Variants in TRAPPC9 observed in about 807,000 individuals in gnomAD.
The protein encoded by TRAPPC9 is IKK2 binding protein.
A neutral mutation model predicts 124.0 loss-of-function variants in TRAPPC9; 83 were observed. The ratio of observed to expected loss-of-function variants is 0.67; its 90% CI spans 0.56 to 0.80. The LOEUF is 0.80. TRAPPC9 is among the 30% of genes least tolerant of loss of function. The pLI is 0.00. For missense variants in TRAPPC9, 1,302 were observed against 1,508.3 expected (o/e 0.86, Z 2.27); for synonymous variants, 638 against 617.5 (o/e 1.03, Z -0.49).
chr8:140,151,984 G>T (rs1277228111), intron 17 of TRAPPC9, among the ~76,000 whole-genome samples: 1 of 152,176 alleles, frequency 6.6e-6, no homozygotes, highest in African/African-American at 2.4e-5. Flanking sequence ...ATTCCATGGA[G>T]GCTAAGACCA....
At chr8:140,248,842 T>C (rs571612629) in intron 16 of TRAPPC9, among the ~76,000 whole-genome samples, 1 of 152,230 alleles carries the variant, frequency 6.6e-6, no homozygotes, top group Non-Finnish European at 1.5e-5. Context: ...ATAAGGTAAA[T>C]AATTTGCTTT....
chr8:140,354,989 T>G (rs1253984886), intron 9 of TRAPPC9, among the ~76,000 whole-genome samples: 1 of 152,260 alleles, frequency 6.6e-6, no homozygotes, highest in East Asian at 1.9e-4. Flanking sequence ...TTCAAGAGAC[T>G]GTTATTTGTT....
At chr8:140,358,058 G>A (rs1186985022) in intron 9 of TRAPPC9, among the ~76,000 whole-genome samples, 1 of 152,206 alleles carries the variant, frequency 6.6e-6, no homozygotes, top group Non-Finnish European at 1.5e-5. Flanking sequence ...AAGAACCACA[G>A]GGGTTCACGA....
chr8:139,948,033 A>G (rs988184795), intron 19 of TRAPPC9, among the ~76,000 whole-genome samples: 1 of 150,918 alleles, frequency 6.6e-6, no homozygotes, highest in African/African-American at 2.5e-5. Context: ...TGGCACTTGC[A>G]TGGCCGTGGG....
At chr8:140,283,551 T>C (rs13274710) in intron 14 of TRAPPC9, among the ~76,000 whole-genome samples, 114,894 of 150,962 alleles carry the variant, frequency 0.76, 44,679 homozygotes, top group African/African-American at 0.93. Flanking sequence ...CCCGCCTCGG[T>C]CTTCAAAGTG....
chr8:139,839,854 A>G (rs1446702843), intron 21 of TRAPPC9, among the ~76,000 whole-genome samples: 1 of 152,224 alleles, frequency 6.6e-6, no homozygotes, highest in African/African-American at 2.4e-5. Flanking sequence ...GCACTGGGAC[A>G]GCGACACAAA....
At chr8:140,372,376 C>A (rs1269494400) in intron 7 of TRAPPC9, among the ~76,000 whole-genome samples, 1 of 152,204 alleles carries the variant, frequency 6.6e-6, no homozygotes, top group Admixed American at 6.5e-5. Flanking sequence ...CTCCCTCCAT[C>A]CCCTCTCCTC....
chr8:140,162,909 T>C (rs2061775209), intron 17 of TRAPPC9, among the ~76,000 whole-genome samples: 1 of 152,130 alleles, frequency 6.6e-6, no homozygotes, highest in Admixed American at 6.5e-5. Flanking sequence ...GGAGGATTGC[T>C]TGAGCCCAGG....
At chr8:140,187,984 G>T (rs1190861826) in intron 17 of TRAPPC9, among the ~76,000 whole-genome samples, 1 of 152,104 alleles carries the variant, frequency 6.6e-6, no homozygotes, top group Non-Finnish European at 1.5e-5. Flanking sequence ...GTCGGGAGAG[G>T]AACTGGGCTC....
At chr8:140,268,707 C>T (rs72690649) in intron 15 of TRAPPC9, among the ~76,000 whole-genome samples, 64 of 152,258 alleles carry the variant, frequency 4.2e-4, no homozygotes, top group Non-Finnish European at 8.1e-4. Flanking sequence ...CCCTATGTGC[C>T]CTGCGCATCC....
intron 18 of TRAPPC9, among the ~76,000 whole-genome samples, chr8:140,000,904 A>G (rs899644924): frequency 3.3e-5 from 5 of 152,232 alleles, no homozygotes; most frequent in Admixed American, 6.5e-5. Context: ...AAGATTATAA[A>G]TCATGCTACT....
intron 1 of TRAPPC9, 150 bp from the exon 2 acceptor site, chr8:140,451,533 C>T (rs2071463281): frequency 2.8e-6 from 2 of 704,800 alleles, no homozygotes; most frequent in Admixed American, 2.1e-5. Flanking sequence ...GGGCTCTACA[C>T]GTGGCTGTCG....
At chr8:140,423,836 G>T (rs2070327848) in intron 5 of TRAPPC9, among the ~76,000 whole-genome samples, 2 of 152,084 alleles carry the variant, frequency 1.3e-5, no homozygotes, top group South Asian at 4.1e-4. Context: ...CATGAAGCTT[G>T]AAACATACAG....
At chr8:140,457,271 C>T (rs1238269181) in intron 1 of TRAPPC9, among the ~76,000 whole-genome samples, 3 of 152,152 alleles carry the variant, frequency 2.0e-5, no homozygotes, top group African/African-American at 7.2e-5. Flanking sequence ...GAGGGGAAGC[C>T]AGGCGGAGAC....
At chr8:139,835,072 G>A (rs952602085) in intron 21 of TRAPPC9, among the ~76,000 whole-genome samples, 3 of 152,202 alleles carry the variant, frequency 2.0e-5, no homozygotes, top group East Asian at 1.9e-4. Flanking sequence ...CATCAGACTC[G>A]TTGGCAGGTT....
chr8:140,447,224 G>C (rs1038179743), intron 2 of TRAPPC9, among the ~76,000 whole-genome samples: 12 of 152,066 alleles, frequency 7.9e-5, no homozygotes, highest in Non-Finnish European at 1.6e-4. Context: ...AGATCCCCCA[G>C]AGCAAATATT....
chr8:140,273,176 G>A (rs567601047), intron 15 of TRAPPC9, among the ~76,000 whole-genome samples: 15 of 152,274 alleles, frequency 9.9e-5, no homozygotes, highest in East Asian at 7.7e-4. Context: ...CTCAGTTGCC[G>A]CTCCTGGGTA....
chr8:139,990,384 G>A (rs1407437945), intron 18 of TRAPPC9, among the ~76,000 whole-genome samples: 3 of 152,042 alleles, frequency 2.0e-5, no homozygotes, highest in Non-Finnish European at 2.9e-5. Context: ...ACATGTCCGC[G>A]GCAATTTCCA....
chr8:140,407,571 A>G (rs547767338), intron 5 of TRAPPC9, among the ~76,000 whole-genome samples: 21 of 152,290 alleles, frequency 1.4e-4, no homozygotes, highest in Admixed American at 2.6e-4. Flanking sequence ...AAGAAAGGGC[A>G]TCTCCAGTCA....
Sources: allele counts gnomAD v4.1 joint callset (sites outside exome capture counted in the v4.1 genomes callset), GRCh38; gene constraint gnomAD v4.1.1; transcripts MANE v1.5; gene names NCBI Gene and HGNC (gene_info 2026-07-23, HGNC 2026-07-21).